GSG1: variants seen among roughly 807,000 people sequenced by gnomAD.
GSG1 encodes the protein germ cell associated 1, also known as germ cell-specific gene 1 protein.
Under a neutral mutation model 30.8 loss-of-function variants are expected in GSG1, and 28 were observed. The ratio of observed to expected loss-of-function variants is 0.91; its 90% confidence interval spans 0.67 to 1.25. The LOEUF (loss-of-function observed/expected upper bound fraction) is 1.25, where lower values mean the gene tolerates loss of function less well. Ranked by LOEUF, GSG1 falls within the 50% of genes most tolerant of loss-of-function variation. The pLI is 0.00. For synonymous variants in GSG1, 162 were observed against 178.0 expected (o/e 0.91, Z 0.71); for missense variants, 435 against 444.7 (o/e 0.98, Z 0.20).
chr12:13,087,106 G>C (rs535306950), intron 6 of GSG1, 46 bp downstream of exon 6: 1 of 1,327,728 alleles, frequency 7.5e-7, no homozygotes, highest in Admixed American at 1.7e-5. Context: ...AAAATCTCGT[G>C]AAGGTTGGCT....
At chr12:13,097,117 G>T (rs140386665) in intron 1 of GSG1, among the ~76,000 whole-genome samples, 11 of 152,054 alleles carry the variant, frequency 7.2e-5, no homozygotes, top group African/African-American at 2.2e-4. Context: ...AATTAATTGG[G>T]ACACCAATGT....
At chr12:13,099,989 A>C (rs371453068) in intron 1 of GSG1, among the ~76,000 whole-genome samples, 1 of 152,166 alleles carries the variant, frequency 6.6e-6, no homozygotes, top group Non-Finnish European at 1.5e-5. Context: ...TTGCTTCTGC[A>C]TGTCCTAGCA....
In GSG1 at chr12:13,099,753, T is replaced by TTTTTTTG. The variant is rs112884315; in HGVS notation, c.48+3711_48+3712insCAAAAAA. On this transcript the variant is annotated intron_variant, in intron 1 of 6. Transcript: ENST00000651961. ...AAGGGATCCGGTGTTTTTTTTTGTT[T>TTTTTTTG]TTTTTTTTTTTTTTTGTTTTTTCTT... Among the ~76,000 whole-genome samples, 571 of 116,800 alleles carry TTTTTTTG rather than the reference T, an allele frequency of 4.9e-3. 2 individuals carry two copies. The highest frequency in any genetic ancestry group is 0.031 in the African/African-American group (537 of 17,140). The allele number at this position is 116,800 out of a possible 152,430, so 76.6% of individuals were successfully genotyped here.
intron 1 of GSG1, among the ~76,000 whole-genome samples, chr12:13,094,028 C>T (rs932347180): frequency 2.6e-5 from 4 of 152,224 alleles, no homozygotes; most frequent in East Asian, 1.9e-4. Flanking sequence ...TGCTGACAGA[C>T]GCTTCTTAAA....
chr12:13,103,438 A>C (rs555507528), intron 1 of GSG1, 27 bp downstream of exon 1: 11 of 1,551,124 alleles, frequency 7.1e-6, no homozygotes, highest in East Asian at 2.2e-5. Context: ...TGAGATGTTC[A>C]TGAGATTTCA....
At chr12:13,094,842 A>G (rs990321928) in intron 1 of GSG1, among the ~76,000 whole-genome samples, 2 of 152,162 alleles carry the variant, frequency 1.3e-5, no homozygotes, top group Admixed American at 6.5e-5. Flanking sequence ...TACTTGCAAG[A>G]TTTTTACTCC....
intron 4 of GSG1, among the ~76,000 whole-genome samples, chr12:13,088,400 G>T (rs533703724): frequency 3.3e-5 from 5 of 152,130 alleles, no homozygotes; most frequent in Non-Finnish European, 7.3e-5. Flanking sequence ...TAATTTTGGG[G>T]TGGTTCCCTC....
chr12:13,087,317 G>T, intron 5 of GSG1, 54 bp from the exon 6 acceptor site: 1 of 1,361,858 alleles, frequency 7.3e-7, no homozygotes, highest in Non-Finnish European at 1.1e-6. Context: ...CATGCCATCT[G>T]CCAGGAGTAC....
In GSG1 at chr12:13,086,254, G is replaced by A. The variant is rs1591615319; in HGVS notation, c.746+898C>T. 2.0e-5 allele frequency among the ~76,000 whole-genome samples: 3 copies of A among 152,338 alleles called. No homozygotes were observed. The South Asian group carries it at 6.2e-4, about 32-fold the overall frequency. ...AGAATGGCCTGAAGACAGACAAAAG[G>A]TGAGAAGTGCTGGATCTGGGAGCTG... On this transcript the variant is annotated intron_variant, in intron 6 of 6. Coordinates refer to ENST00000651961, the MANE Select transcript of GSG1 (RefSeq NM_001080555.4).
At position 13,090,656 on chromosome 12, in the gene GSG1, A is replaced by G; in HGVS notation, c.211T>C (p.Cys71Arg). The G allele has an allele frequency of 6.2e-7, 1 of 1,614,242 alleles. No individual in the cohort carries two copies. The highest frequency in any genetic ancestry group is 8.5e-7 in the Non-Finnish European group (1 of 1,180,044). ...PLCEKGLAAK[C>R]FDMPVSLDGD... Reference sequence around the variant, plus strand: ...TCCAGGGACACTGGCATGTCAAAGCACTTGGCTGCCAGACCTTTCTCGCAC... The same window carrying G: ...TCCAGGGACACTGGCATGTCAAAGCGCTTGGCTGCCAGACCTTTCTCGCAC... Residue 71 changes from cysteine (C) to arginine (R), a missense_variant, in exon 2 of 7, where the codon TGC becomes CGC. Transcript: ENST00000651961.
intron 1 of GSG1, among the ~76,000 whole-genome samples, chr12:13,091,883 C>A (rs185473862): frequency 6.6e-6 from 1 of 152,294 alleles, no homozygotes; most frequent in East Asian, 1.9e-4. Context: ...TGTTTTTTCT[C>A]CTATTAATCT....
intron 1 of GSG1, among the ~76,000 whole-genome samples, chr12:13,099,755 T>TTTTG (rs1565551169): frequency 8.4e-4 from 113 of 133,902 alleles, no homozygotes; most frequent in Middle Eastern, 7.6e-3. Context: ...TTTTTGTTTT[T>TTTTG]TTTTTTTTTT....
At chr12:13,094,197 G>A (rs1469769210) in intron 1 of GSG1, among the ~76,000 whole-genome samples, 1 of 152,170 alleles carries the variant, frequency 6.6e-6, no homozygotes, top group African/African-American at 2.4e-5. Flanking sequence ...ACATTTAAGA[G>A]AGAACTTTAC....
intron 1 of GSG1, chr12:13,095,872 G>A (rs1866623536): frequency 3.3e-6 from 4 of 1,210,426 alleles, no homozygotes; most frequent in Non-Finnish European, 4.4e-6. Flanking sequence ...TGGGGATCTG[G>A]GATTAAGCAC....
At chr12:13,088,611 A>G in intron 4 of GSG1, 2 of 798,400 alleles carry the variant, frequency 2.5e-6, no homozygotes, top group Non-Finnish European at 2.0e-6. Context: ...AATGAAAGTC[A>G]GCTCAAGGAG....
At chr12:13,085,701 C>T (rs535366723) in intron 6 of GSG1, among the ~76,000 whole-genome samples, 2 of 152,106 alleles carry the variant, frequency 1.3e-5, no homozygotes, top group African/African-American at 2.4e-5. Flanking sequence ...GATGTCCCCC[C>T]ACTCAGATGC....
rs1866410376 is a variant in GSG1 at position 13,093,925 on chromosome 12, G to C, written c.49-3107C>G. On this transcript the variant is annotated intron_variant, in intron 1 of 6. Coordinates refer to ENST00000651961, the MANE Select transcript of GSG1 (RefSeq NM_001080555.4). This position sits in a 1 kb window ranked among gnomAD's most constrained non-coding sequence, Gnocchi z 4.6. ...TTGGAGCCAGATTTAATTGGACTTA[G>C]AGAAGTAATTTGGCAAGTCTCTCAC... is the stretch of plus-strand genomic sequence containing the variant. Among the ~76,000 whole-genome samples the C allele has an allele frequency of 6.6e-6, 1 of 152,206 alleles. No homozygotes were observed. The highest frequency in any genetic ancestry group is 6.5e-5 in the Admixed American group (1 of 15,282).
intron 2 of GSG1, 54 bp from the exon 3 acceptor site, chr12:13,089,330 T>A: frequency 6.5e-7 from 1 of 1,549,268 alleles, no homozygotes; most frequent in Non-Finnish European, 8.7e-7. Flanking sequence ...TTTTAATTCC[T>A]CTTCCATCTC....
chr12:13,103,298 A>G (rs1486415214), intron 1 of GSG1, among the ~76,000 whole-genome samples, 167 bp downstream of exon 1: 2 of 152,318 alleles, frequency 1.3e-5, no homozygotes, highest in Middle Eastern at 3.4e-3. Context: ...GGGCTGAGTG[A>G]CACATTTTCA....
Sources: allele counts gnomAD v4.1 joint callset (sites outside exome capture counted in the v4.1 genomes callset), GRCh38; gene constraint gnomAD v4.1.1; non-coding constraint Gnocchi (gnomAD v3.1); transcripts MANE v1.5; gene names NCBI Gene and HGNC (gene_info 2026-07-23, HGNC 2026-07-21).